Variants in TRIO observed in about 807,000 individuals in gnomAD.
TRIO encodes the protein trio Rho guanine nucleotide exchange factor, also known as triple functional domain protein.
Under a neutral mutation model 351.9 loss-of-function variants are expected in TRIO, and 58 were observed. The ratio of observed to expected loss-of-function variants is 0.16; its 90% confidence interval spans 0.13 to 0.21. TRIO has a LOEUF of 0.21. Ranked by LOEUF, TRIO falls within the 10% of genes least tolerant of loss-of-function variation. The pLI, the probability that TRIO is intolerant of heterozygous loss-of-function variation, is 1.00. For missense variants in TRIO, 3,201 were observed against 4,027.8 expected (o/e 0.79, Z 5.56); for synonymous variants, 1,758 against 1,595.7 (o/e 1.10, Z -2.42).
chr5:14,440,455 GA>G (rs560352531), intron 34 of TRIO, among the ~76,000 whole-genome samples: 24 of 152,308 alleles, frequency 1.6e-4, no homozygotes, highest in African/African-American at 5.5e-4. Flanking sequence ...CGAACATATG[GA>G]AACTTTCAAA....
rs886533520 is a variant in TRIO at position 14,387,625 on chromosome 5, A to G, written c.3758A>G (p.Asn1253Ser). 1.9e-6 allele frequency: 3 copies of G among 1,611,214 alleles called. No homozygotes were observed. The highest frequency in any genetic ancestry group is 2.2e-5 in the East Asian group (1 of 44,816). ...GCCCTGGGGATTTCTTCAGATTCCA[A>G]CAAATCGGTAAATGGCCTTGTGCAA... ...EKALGISSDS[N>S]KSSKSLQLDI... Residue 1253 changes from asparagine (N) to serine (S), a missense_variant, in exon 22 of 57, where the codon AAC becomes AGC. By Grantham distance (46) the Asn-to-Ser change is conservative. Transcript: ENST00000344204.
intron 2 of TRIO, among the ~76,000 whole-genome samples, chr5:14,273,600 G>C (rs559268806): frequency 6.6e-6 from 1 of 152,186 alleles, no homozygotes; most frequent in East Asian, 1.9e-4. Context: ...GTGGGATTAA[G>C]GCCCTTATAA....
intron 1 of TRIO, among the ~76,000 whole-genome samples, chr5:14,233,076 G>A (rs1385856531): frequency 1.3e-5 from 2 of 152,152 alleles, no homozygotes; most frequent in African/African-American, 4.8e-5. Context: ...ATCACTGGGG[G>A]AGTGGTGGGG....
In TRIO at chr5:14,391,006, C is replaced by T. The variant is rs2152364345; in HGVS notation, c.4218+16C>T. On this transcript the variant is annotated intron_variant, in intron 27 of 56. Transcript: ENST00000344204. ...CTATTTTGACGTAAGTAATAGATTCCTAAAGAGACCATAATTTTCCAAGTT... is the reference window on the plus strand; with the variant it reads ...CTATTTTGACGTAAGTAATAGATTCTTAAAGAGACCATAATTTTCCAAGTT... 6.4e-7 allele frequency: 1 copy of T among 1,570,506 alleles called. No individual in the cohort carries two copies. The highest frequency in any genetic ancestry group is 2.3e-5 in the East Asian group (1 of 43,342).
At chr5:14,201,086 C>T (rs937346770) in intron 1 of TRIO, among the ~76,000 whole-genome samples, 5 of 151,888 alleles carry the variant, frequency 3.3e-5, no homozygotes, top group Admixed American at 2.6e-4. Flanking sequence ...GGAGAAACTC[C>T]GTCTCTACTA....
intron 33 of TRIO, among the ~76,000 whole-genome samples, chr5:14,412,924 C>T (rs1481479226): frequency 6.6e-6 from 1 of 152,192 alleles, no homozygotes; most frequent in African/African-American, 2.4e-5. Context: ...GTCACCTCAC[C>T]TCTCTGAACC....
intron 27 of TRIO, among the ~76,000 whole-genome samples, chr5:14,392,274 G>A (rs1468510194): frequency 2.0e-5 from 3 of 151,392 alleles, no homozygotes; most frequent in Non-Finnish European, 2.9e-5. Flanking sequence ...GTGGGCGAAG[G>A]ATATGAACAG....
intron 31 of TRIO, among the ~76,000 whole-genome samples, chr5:14,403,670 GTGA>G (rs1748404411): frequency 7.4e-6 from 1 of 135,546 alleles, no homozygotes; most frequent in South Asian, 2.7e-4. Context: ...GCAGGTGGTG[GTGA>G]GGGTGCAGGT....
rs760710812 is a variant in TRIO at position 14,497,825 on chromosome 5, T to G, written c.8020-22T>G. 2 of 1,614,084 alleles carry G rather than the reference T, an allele frequency of 1.2e-6. No individual in the cohort carries two copies. Among genetic ancestry groups the G allele is most frequent in the Admixed American group, 1.7e-5 (1 of 60,012 alleles). On this transcript the variant is annotated intron_variant, in intron 50 of 56. Coordinates refer to ENST00000344204, the MANE Select transcript of TRIO (RefSeq NM_007118.4). This position sits in a 1 kb window ranked among gnomAD's most constrained non-coding sequence, Gnocchi z 4.4. ...TAAAGTAGCTCATTTCAGTTAATGCTTGTTTGCTGTTTCCATTTCAGCTTC... is the reference window on the plus strand; with the variant it reads ...TAAAGTAGCTCATTTCAGTTAATGCGTGTTTGCTGTTTCCATTTCAGCTTC...
intron 1 of TRIO, among the ~76,000 whole-genome samples, chr5:14,211,109 C>T (rs1791861574): frequency 6.6e-6 from 1 of 152,110 alleles, no homozygotes; most frequent in South Asian, 2.1e-4. Flanking sequence ...ATTTTTAGAC[C>T]TTTTGACTTT....
At position 14,362,492 on chromosome 5, in the gene TRIO, C is replaced by G. The variant is rs1744235866; in HGVS notation, c.2392-1240C>G. On this transcript the variant is annotated intron_variant, in intron 13 of 56. Transcript: ENST00000344204. The stretch of plus-strand genomic sequence containing the variant: ...TCTAGAATTGTCTCTCCTTTGTCCT[C>G]CTCCTCTTCTTTTCATGCCATCATT... Among the ~76,000 whole-genome samples the G allele has an allele frequency of 2.0e-5, 3 of 152,140 alleles. No individual in the cohort carries two copies. The South Asian group carries it at 6.2e-4, about 32-fold the overall frequency.
chr5:14,210,718 TCA>T (rs1307186275), intron 1 of TRIO, among the ~76,000 whole-genome samples: 1 of 152,226 alleles, frequency 6.6e-6, no homozygotes, highest in Non-Finnish European at 1.5e-5. Context: ...TATTTTTCCA[TCA>T]GTTATTGTAG....
chr5:14,387,381 A>G, intron 21 of TRIO, 57 bp from the exon 22 acceptor site: 1 of 1,531,482 alleles, frequency 6.5e-7, no homozygotes, highest in South Asian at 1.3e-5. Context: ...ACTGTGTTTG[A>G]GGTTTCTGGC....
intron 36 of TRIO, 60 bp from the exon 37 acceptor site, chr5:14,465,485 T>C: frequency 6.5e-7 from 1 of 1,537,440 alleles, no homozygotes; most frequent in South Asian, 1.1e-5. Flanking sequence ...ATTTACTGTC[T>C]GACCAGTTAC....
rs143729863 is a variant in TRIO at position 14,208,929 on chromosome 5, T to G, written c.158-61896T>G. Reference sequence around the variant, plus strand: ...AGTTAAACTCTGTTATAAAGTTTGTTTGTAAAACTGGATTGTGATGTTGTA... The same window carrying G: ...AGTTAAACTCTGTTATAAAGTTTGTGTGTAAAACTGGATTGTGATGTTGTA... On this transcript the variant is annotated intron_variant, in intron 1 of 56. Transcript: ENST00000344204. Among the ~76,000 whole-genome samples the G allele has an allele frequency of 4.9e-3, 744 of 152,392 alleles. 8 individuals carry two copies. Among genetic ancestry groups the G allele is most frequent in the Non-Finnish European group, 7.3e-3 (495 of 68,040 alleles).
At chr5:14,482,206 C>G (rs549421102) in intron 45 of TRIO, among the ~76,000 whole-genome samples, 41 of 152,290 alleles carry the variant, frequency 2.7e-4, no homozygotes, top group African/African-American at 9.9e-4. Flanking sequence ...ATGGTTCTCT[C>G]TGACGCACAC....
At chr5:14,171,567 T>C (rs1789098192) in intron 1 of TRIO, among the ~76,000 whole-genome samples, 1 of 152,244 alleles carries the variant, frequency 6.6e-6, no homozygotes, top group African/African-American at 2.4e-5. Context: ...TTATGTAGTC[T>C]TATCACCGGT....
intron 1 of TRIO, among the ~76,000 whole-genome samples, chr5:14,235,222 C>A (rs1405009163): frequency 2.0e-5 from 3 of 152,116 alleles, no homozygotes; most frequent in Non-Finnish European, 4.4e-5. Flanking sequence ...TGAAATATTT[C>A]TTTTCAGATT....
intron 1 of TRIO, among the ~76,000 whole-genome samples, chr5:14,265,577 AT>A (rs1450788203): frequency 1.3e-5 from 2 of 152,202 alleles, no homozygotes; most frequent in African/African-American, 4.8e-5. Flanking sequence ...TTATAAATAA[AT>A]CGGAGAGGGG....
Sources: gnomAD v4.1 joint callset for allele counts (sites outside exome capture counted in the v4.1 genomes callset) on GRCh38, gnomAD v4.1.1 for gene constraint, Gnocchi (gnomAD v3.1) non-coding constraint, MANE v1.5 for transcripts, NCBI Gene and HGNC (gene_info 2026-07-23, HGNC 2026-07-21) for gene names.